The following MEIS2 variants were observed in gnomAD, a reference collection of about 807,000 sequenced individuals.
MEIS2 encodes the protein Meis homeobox 2.
Under a neutral mutation model 58.6 loss-of-function variants are expected in MEIS2, and 9 were observed. The ratio of observed to expected loss-of-function variants is 0.15; its 90% CI spans 0.09 to 0.27. MEIS2 has a LOEUF of 0.27. MEIS2 is among the 10% of genes least tolerant of loss of function. The pLI, the probability that MEIS2 is intolerant of heterozygous loss-of-function variation, is 1.00. For missense variants in MEIS2, 427 were observed against 635.0 expected (o/e 0.67, Z 3.52); for synonymous variants, 221 against 228.4 (o/e 0.97, Z 0.29).
chr15:37,026,318 T>A (rs191977385), intron 8 of MEIS2, among the ~76,000 whole-genome samples: 2 of 152,298 alleles, frequency 1.3e-5, no homozygotes, highest in Admixed American at 1.3e-4. Context: ...CAGCGTACGA[T>A]GGGATCACAC....
intron 8 of MEIS2, among the ~76,000 whole-genome samples, chr15:36,963,103 T>C (rs573169764): frequency 1.1e-3 from 171 of 152,254 alleles, no homozygotes; most frequent in Non-Finnish European, 2.0e-3. Flanking sequence ...GGCCAGGTGC[T>C]GTGGCTCACG....
At position 37,066,056 on chromosome 15, in the gene MEIS2, G is replaced by C. The variant is rs141909977; in HGVS notation, c.754+17715C>G. ...TCTTTGCCATTTCTAAGAACAAGGA[G>C]AAGATAACTAACCCTTTAGAATTGC... On this transcript the variant is annotated intron_variant, in intron 7 of 11. Transcript: ENST00000561208. Among the ~76,000 whole-genome samples, 542 of 152,300 alleles carry C rather than the reference G, an allele frequency of 3.6e-3. 2 individuals are homozygous for C. Among genetic ancestry groups the C allele is most frequent in the Non-Finnish European group, 6.2e-3 (423 of 68,026 alleles).
At chr15:36,921,526 G>C (rs2057505888) in intron 9 of MEIS2, among the ~76,000 whole-genome samples, 1 of 152,140 alleles carries the variant, frequency 6.6e-6, no homozygotes, top group Admixed American at 6.5e-5. Context: ...TTTTAACTTT[G>C]GGAGTTGAAG....
In MEIS2 at chr15:37,097,949, T is replaced by C; in HGVS notation, c.245+18A>G. ...TCACACTCACACACAGTAAGCTGGG[T>C]CCGGGGGGTCAGTTTACCCATAGAT... On this transcript the variant is annotated intron_variant, in intron 2 of 11. Coordinates refer to ENST00000561208, the MANE Select transcript of MEIS2 (RefSeq NM_170675.5). 1 of 1,570,836 alleles carries C rather than the reference T, an allele frequency of 6.4e-7. No homozygotes were observed. Among genetic ancestry groups the C allele is most frequent in the African/African-American group, 1.3e-5 (1 of 74,376 alleles).
chr15:36,960,444 G>A (rs142531114), intron 8 of MEIS2, among the ~76,000 whole-genome samples: 47 of 152,126 alleles, frequency 3.1e-4, no homozygotes, highest in African/African-American at 9.6e-4. Context: ...GAGAACCTTC[G>A]TAGTGACTGA....
intron 8 of MEIS2, among the ~76,000 whole-genome samples, chr15:36,957,853 C>G (rs1279085313): frequency 2.0e-5 from 3 of 152,154 alleles, no homozygotes; most frequent in East Asian, 3.9e-4. Flanking sequence ...TGCATAAGTA[C>G]TCAGATGAAT....
intron 7 of MEIS2, among the ~76,000 whole-genome samples, chr15:37,065,687 C>T (rs982206308): frequency 2.0e-5 from 3 of 152,140 alleles, no homozygotes; most frequent in African/African-American, 7.2e-5. Context: ...GGTGATTAAG[C>T]GGTGTTGGTG....
In MEIS2 at chr15:37,096,846, G is replaced by GA. The variant is rs374160560; in HGVS notation, c.246-417dup. Among the ~76,000 whole-genome samples, 272 of 149,772 alleles carry GA rather than the reference G, an allele frequency of 1.8e-3. 3 individuals carry two copies. The highest frequency in any genetic ancestry group is 5.5e-3 in the East Asian group (28 of 5,110). On this transcript the variant is annotated intron_variant, in intron 2 of 11. Coordinates refer to ENST00000561208, the MANE Select transcript of MEIS2 (RefSeq NM_170675.5). Reference sequence around the variant, plus strand: ...CAAGAAGGGAACACTGTGTGAAATTGAAAAAAAAATAGTTTTAACTCTGCA... The same window carrying GA: ...CAAGAAGGGAACACTGTGTGAAATTGAAAAAAAAAATAGTTTTAACTCTGCA...
chr15:36,895,082 T>C, intron 11 of MEIS2, 69 bp downstream of exon 11: 2 of 1,291,264 alleles, frequency 1.5e-6, no homozygotes, highest in Non-Finnish European at 2.2e-6. Flanking sequence ...GATAGTAGAG[T>C]GGATGGAGAG....
At chr15:36,966,279 T>C (rs1198877002) in intron 8 of MEIS2, among the ~76,000 whole-genome samples, 1 of 152,202 alleles carries the variant, frequency 6.6e-6, no homozygotes, top group Non-Finnish European at 1.5e-5. Context: ...GGGAAGTAAG[T>C]TCACTTTCTC....
intron 2 of MEIS2, 132 bp downstream of exon 2, chr15:37,097,835 A>T: frequency 2.2e-6 from 3 of 1,351,116 alleles, no homozygotes; most frequent in Non-Finnish European, 2.9e-6. Flanking sequence ...TCCCTTCCTA[A>T]GGCAAGCGGC....
intron 8 of MEIS2, among the ~76,000 whole-genome samples, chr15:36,995,716 A>AAAAAAC (rs2060455665): frequency 4.4e-5 from 2 of 45,398 alleles, no homozygotes; most frequent in African/African-American, 1.2e-4. Context: ...TAAAAAAAAA[A>AAAAAAC]AAAAAAAAAA....
chr15:36,957,940 T>C (rs1189468880), intron 8 of MEIS2, among the ~76,000 whole-genome samples: 1 of 152,240 alleles, frequency 6.6e-6, no homozygotes, highest in Non-Finnish European at 1.5e-5. Context: ...CTGAATTTTT[T>C]ACTTTTCATC....
At chr15:36,954,548 C>G (rs947242560) in intron 8 of MEIS2, among the ~76,000 whole-genome samples, 1 of 150,470 alleles carries the variant, frequency 6.6e-6, no homozygotes, top group African/African-American at 2.4e-5. Context: ...AGTCACTTAA[C>G]TTTTTTATAC....
intron 7 of MEIS2, among the ~76,000 whole-genome samples, 160 bp downstream of exon 7, chr15:37,083,611 A>G (rs1892518330): frequency 6.6e-6 from 1 of 152,204 alleles, no homozygotes; most frequent in Admixed American, 6.5e-5. Context: ...AAGGAAAGTA[A>G]GTTAAGAAGA....
chr15:36,934,017 T>C (rs1428050890), intron 9 of MEIS2, among the ~76,000 whole-genome samples: 1 of 152,232 alleles, frequency 6.6e-6, no homozygotes, highest in East Asian at 1.9e-4. Flanking sequence ...GCATATCACA[T>C]AAATGCATTA....
At chr15:37,056,104 T>C (rs988779091) in intron 7 of MEIS2, among the ~76,000 whole-genome samples, 1 of 152,202 alleles carries the variant, frequency 6.6e-6, no homozygotes, top group Admixed American at 6.5e-5. Flanking sequence ...TCATGTTAAA[T>C]TAATTGGAAT....
At position 36,936,451 on chromosome 15, in the gene MEIS2, C is replaced by A. The variant is rs142949201; in HGVS notation, c.977+13873G>T. Among the ~76,000 whole-genome samples the A allele has an allele frequency of 3.6e-3, 555 of 152,128 alleles. 2 individuals carry two copies. The highest frequency in any genetic ancestry group is 0.013 in the African/African-American group (522 of 41,518). ...AGGGAGGTGCATTTTCTTAATGGAG[C>A]AAAACTTTTCTTCAGTTAGTTTGAC... On this transcript the variant is annotated intron_variant, in intron 9 of 11. Coordinates refer to ENST00000561208, the MANE Select transcript of MEIS2 (RefSeq NM_170675.5).
intron 6 of MEIS2, among the ~76,000 whole-genome samples, chr15:37,084,506 G>T (rs1016116613): frequency 4.0e-5 from 6 of 151,810 alleles, no homozygotes; most frequent in African/African-American, 1.5e-4. Context: ...ATAAATTATT[G>T]ATTTTTGCTT....
Sources: allele counts gnomAD v4.1 joint callset (sites outside exome capture counted in the v4.1 genomes callset), GRCh38; gene constraint gnomAD v4.1.1; transcripts MANE v1.5; gene names NCBI Gene and HGNC (gene_info 2026-07-23, HGNC 2026-07-21).